The following NEGR1 variants were observed in gnomAD, a reference collection of about 807,000 sequenced individuals.
NEGR1 encodes the protein neuronal growth regulator 1.
NEGR1 carries 10 observed loss-of-function variants against 40.9 expected under a neutral mutation model. That is an observed-to-expected ratio of 0.24 (90% CI 0.15 to 0.42). The LOEUF is 0.42. Ranked by LOEUF, NEGR1 falls within the 10% of genes least tolerant of loss-of-function variation. NEGR1 has a pLI of 1.00. For synonymous variants in NEGR1, 185 were observed against 166.8 expected, an observed-to-expected ratio of 1.11 and a Z score of -0.84; for missense variants, 352 against 438.9, an observed-to-expected ratio of 0.80 and a Z score of 1.77.
At chr1:72,183,468 G>A (rs1319701942) in intron 1 of NEGR1, among the ~76,000 whole-genome samples, 1 of 152,010 alleles carries the variant, frequency 6.6e-6, no homozygotes, top group Non-Finnish European at 1.5e-5. Context: ...ATGAGTATAA[G>A]TGCCTAAAGT....
At chr1:71,972,597 C>G (rs1330336642) in intron 1 of NEGR1, among the ~76,000 whole-genome samples, 1 of 152,134 alleles carries the variant, frequency 6.6e-6, no homozygotes, top group Non-Finnish European at 1.5e-5. Context: ...TCACTCTTCA[C>G]TGACTGGTAG....
intron 1 of NEGR1, among the ~76,000 whole-genome samples, chr1:72,066,106 A>T (rs1475432641): frequency 6.6e-6 from 1 of 152,166 alleles, no homozygotes; most frequent in Non-Finnish European, 1.5e-5. Flanking sequence ...CTTACAAGGC[A>T]TTTACTAGTT....
At chr1:71,888,341 C>A (rs1471420828) in intron 2 of NEGR1, among the ~76,000 whole-genome samples, 5 of 151,902 alleles carry the variant, frequency 3.3e-5, no homozygotes, top group Admixed American at 6.6e-5. Flanking sequence ...AGACAGTGGG[C>A]GCAGGCCAGT....
intron 1 of NEGR1, among the ~76,000 whole-genome samples, chr1:72,278,505 T>C (rs1656134954): frequency 6.6e-6 from 1 of 152,144 alleles, no homozygotes; most frequent in Non-Finnish European, 1.5e-5. Flanking sequence ...TATTTGTTAA[T>C]AAGGTAAGAA....
At chr1:72,275,820 G>A in intron 1 of NEGR1, among the ~76,000 whole-genome samples, 1 of 152,098 alleles carries the variant, frequency 6.6e-6, no homozygotes, top group East Asian at 1.9e-4. Context: ...CAGTTAAGAG[G>A]GAGAGGTGGC....
intron 6 of NEGR1, among the ~76,000 whole-genome samples, chr1:71,471,199 T>A (rs548675263): frequency 1.3e-5 from 2 of 152,300 alleles, no homozygotes; most frequent in Admixed American, 6.5e-5. Flanking sequence ...AATATATTGT[T>A]CATTACAGGA....
intron 1 of NEGR1, among the ~76,000 whole-genome samples, chr1:72,066,615 C>T (rs1647278262): frequency 6.6e-6 from 1 of 152,078 alleles, no homozygotes; most frequent in East Asian, 1.9e-4. Context: ...TGTCCTTACA[C>T]GAAGACAGAG....
intron 3 of NEGR1, among the ~76,000 whole-genome samples, chr1:71,771,266 G>C (rs757071610): frequency 5.3e-5 from 8 of 152,118 alleles, no homozygotes; most frequent in Non-Finnish European, 1.0e-4. Flanking sequence ...CATGGACACA[G>C]GGAGGGGAGC....
At chr1:72,184,441 A>G (rs1341350152) in intron 1 of NEGR1, among the ~76,000 whole-genome samples, 1 of 152,104 alleles carries the variant, frequency 6.6e-6, no homozygotes, top group Non-Finnish European at 1.5e-5. Context: ...AGGAAAAAAC[A>G]AAGAATAAGC....
chr1:72,196,247 T>G (rs1395267124), intron 1 of NEGR1, among the ~76,000 whole-genome samples: 1 of 152,042 alleles, frequency 6.6e-6, no homozygotes, highest in Non-Finnish European at 1.5e-5. Context: ...TTGGGATTTT[T>G]AAATTAGGGA....
intron 1 of NEGR1, among the ~76,000 whole-genome samples, chr1:71,993,497 C>T (rs1646474199): frequency 6.6e-6 from 1 of 152,062 alleles, no homozygotes; most frequent in Admixed American, 6.6e-5. Context: ...ATAATGGAAA[C>T]TCTAAGGCTC....
chr1:71,937,184 G>A (rs1397617313), intron 1 of NEGR1, among the ~76,000 whole-genome samples: 3 of 152,062 alleles, frequency 2.0e-5, no homozygotes, highest in Non-Finnish European at 4.4e-5. Flanking sequence ...AAACCAAAAC[G>A]GAAGTCATAA....
chr1:71,561,872 T>C (rs1264746325), intron 6 of NEGR1, among the ~76,000 whole-genome samples: 1 of 150,742 alleles, frequency 6.6e-6, no homozygotes, highest in Non-Finnish European at 1.5e-5. Context: ...TGCATAAATA[T>C]AGCATTCATG....
chr1:72,205,942 CAA>C (rs66699045), intron 1 of NEGR1, among the ~76,000 whole-genome samples: 7 of 115,510 alleles, frequency 6.1e-5, no homozygotes, highest in East Asian at 2.4e-4. Context: ...GACTCTGTCT[CAA>C]AAAAAAAAAA....
intron 2 of NEGR1, among the ~76,000 whole-genome samples, chr1:71,873,171 A>T (rs1047626367): frequency 6.8e-6 from 1 of 146,208 alleles, no homozygotes; most frequent in Non-Finnish European, 1.5e-5. Flanking sequence ...TTTTTGTTTG[A>T]TTCTAATAGA....
intron 2 of NEGR1, among the ~76,000 whole-genome samples, chr1:71,786,034 G>T (rs1208335026): frequency 6.6e-6 from 1 of 151,802 alleles, no homozygotes; most frequent in Non-Finnish European, 1.5e-5. Context: ...AAGTACTCTG[G>T]TTTCTTTGTT....
At chr1:72,089,875 C>A (rs573669413) in intron 1 of NEGR1, among the ~76,000 whole-genome samples, 18 of 152,108 alleles carry the variant, frequency 1.2e-4, no homozygotes, top group African/African-American at 4.3e-4. Context: ...TGAGTCACAC[C>A]TCACTTCAGG....
chr1:71,701,088 CTG>C (rs1653675729), intron 3 of NEGR1, among the ~76,000 whole-genome samples: 1 of 151,978 alleles, frequency 6.6e-6, no homozygotes, highest in Admixed American at 6.6e-5. Context: ...TGCTTTGAGT[CTG>C]ATGAGACCAG....
intron 2 of NEGR1, among the ~76,000 whole-genome samples, chr1:71,898,981 C>G (rs1292283173): frequency 1.9e-5 from 1 of 51,302 alleles, no homozygotes; most frequent in Non-Finnish European, 3.4e-5. Flanking sequence ...ATATATATAG[C>G]ATATATATAT....
Sources: allele counts gnomAD v4.1 joint callset (sites outside exome capture counted in the v4.1 genomes callset), GRCh38; gene constraint gnomAD v4.1.1; transcripts MANE v1.5; gene names NCBI Gene and HGNC (gene_info 2026-07-23, HGNC 2026-07-21).